The following MAPT variants were observed in gnomAD, a reference collection of about 807,000 sequenced individuals.
MAPT encodes microtubule-associated protein tau.
In MAPT, 34 loss-of-function variants were observed where a neutral mutation model predicts 67.9. That is an observed-to-expected ratio of 0.50 (90% CI 0.38 to 0.67). The LOEUF (loss-of-function observed/expected upper bound fraction) is 0.67. Ranked by LOEUF, MAPT falls within the 30% of genes least tolerant of loss-of-function variation. The pLI, the probability that MAPT is intolerant of heterozygous loss-of-function variation, is 0.00. For missense variants in MAPT, 881 were observed against 1,115.2 expected (o/e 0.79, Z 2.99); for synonymous variants, 456 against 464.5 (o/e 0.98, Z 0.23).
chr17:45,989,045 G>T (rs527874613), intron 6 of MAPT, among the ~76,000 whole-genome samples: 2 of 152,110 alleles, frequency 1.3e-5, no homozygotes, highest in Admixed American at 6.5e-5. Context: ...TCCAACTTGG[G>T]GGGGGCACAC....
chr17:45,942,867 T>A lies in MAPT; in HGVS notation c.-17-19454T>A, dbSNP rs191642983. On this transcript the variant is annotated intron_variant, in intron 1 of 12. Coordinates refer to ENST00000262410, the MANE Select transcript of MAPT (RefSeq NM_001377265.1). ...ACAATGCAAAGGAGGCTCTGGGAGGTTGAGTGACTTGCCCCAAAGTCGCAC... is the reference window on the plus strand; with the variant it reads ...ACAATGCAAAGGAGGCTCTGGGAGGATGAGTGACTTGCCCCAAAGTCGCAC... 3.3e-5 allele frequency among the ~76,000 whole-genome samples: 5 copies of A among 152,184 alleles called. No homozygotes were observed. The East Asian group carries it at 9.6e-4, about 29-fold the overall frequency.
At position 45,983,813 on chromosome 17, in the gene MAPT, G is replaced by A; in HGVS notation, c.1234G>A (p.Ala412Thr). ...AGGGGCCCCTGGAGAGGGGCCAGAGGCCCGGGGCCCCTCTTTGGGAGAGGA... is the reference window on the plus strand; with the variant it reads ...AGGGGCCCCTGGAGAGGGGCCAGAGACCCGGGGCCCCTCTTTGGGAGAGGA... Reference protein sequence around the residue: ...FPGAPGEGPEARGPSLGEDTK... With the variant: ...FPGAPGEGPETRGPSLGEDTK... Residue 412 changes from alanine (A) to threonine (T), a missense_variant, in exon 5 of 13, where the codon GCC becomes ACC. Transcript: ENST00000262410. 2 of 1,613,168 alleles carry A rather than the reference G, an allele frequency of 1.2e-6. No individual in the cohort carries two copies. Among genetic ancestry groups the A allele is most frequent in the South Asian group, 2.2e-5 (2 of 91,068 alleles).
chr17:45,910,130 C>T (rs2064655904), intron 1 of MAPT, among the ~76,000 whole-genome samples: 1 of 152,130 alleles, frequency 6.6e-6, no homozygotes, highest in African/African-American at 2.4e-5. Context: ...GATATGGGGG[C>T]ACTGGAAACA....
chr17:46,005,043 C>G, intron 9 of MAPT, among the ~76,000 whole-genome samples: 1 of 152,180 alleles, frequency 6.6e-6, no homozygotes, highest in East Asian at 1.9e-4. Flanking sequence ...CTCGGCCTCC[C>G]AAAGTGCTGA....
In MAPT at chr17:45,987,089, A is replaced by C; in HGVS notation, c.1401A>C (p.Lys467Asn). 6.2e-7 allele frequency: 1 copy of C among 1,614,056 alleles called. No individual in the cohort carries two copies. The highest frequency in any genetic ancestry group is 1.7e-5 in the Admixed American group (1 of 60,024). The change falls in exon 6 of 13, where the codon AAA becomes AAC. Residue 467 changes from lysine to asparagine, a missense_variant. Physicochemically the swap from Lys to Asn is moderately conservative, Grantham distance 94. Transcript: ENST00000262410. ...SKDGTGSDDK[K>N]AKTSTRSSAK... ...ACGGGACTGGAAGCGATGACAAAAA[A>C]GCCAAGGTAAGCTGACGATGCCACG...
chr17:45,958,601 G>T (rs1159258400), intron 1 of MAPT, among the ~76,000 whole-genome samples: 1 of 152,032 alleles, frequency 6.6e-6, no homozygotes, highest in Non-Finnish European at 1.5e-5. Context: ...CACGCCTGTA[G>T]TCCCAGCTAC....
chr17:46,006,582 T>G (rs8067056), intron 9 of MAPT, among the ~76,000 whole-genome samples: 1 of 151,634 alleles, frequency 6.6e-6, no homozygotes, highest in Admixed American at 6.6e-5. Flanking sequence ...AAGAGTGTAA[T>G]TGGACTGGCT....
chr17:45,944,065 T>C (rs981231873), intron 1 of MAPT, among the ~76,000 whole-genome samples: 1 of 152,186 alleles, frequency 6.6e-6, no homozygotes, highest in African/African-American at 2.4e-5. Flanking sequence ...CACTCACACG[T>C]CATGACTTCA....
chr17:45,962,470 G>A lies in MAPT; in HGVS notation c.133G>A (p.Glu45Lys). 2 of 1,612,530 alleles carry A rather than the reference G, an allele frequency of 1.2e-6. No individual in the cohort carries two copies. Among genetic ancestry groups the A allele is most frequent in the Non-Finnish European group, 8.5e-7 (1 of 1,179,848 alleles). Residue 45 changes from glutamate to lysine, a missense_variant and splice_region_variant, in exon 2 of 13, where the codon GAA (glutamate) becomes AAA (lysine). This residue lies in a region of MAPT where 687 missense variants were observed against 766.1 expected (regional missense o/e 0.90). Transcript: ENST00000262410. ...GGGTGACACGGACGCTGGCCTGAAA[G>A]GTTAGTGGACAGCCATGCACAGCAG... ...QEGDTDAGLK[E>K]SPLQTPTEDG...
At chr17:45,907,066 T>C (rs2064363376) in intron 1 of MAPT, among the ~76,000 whole-genome samples, 1 of 152,074 alleles carries the variant, frequency 6.6e-6, no homozygotes, top group Non-Finnish European at 1.5e-5. Flanking sequence ...GCCCTGGCCC[T>C]CTCCAAGTGT....
In MAPT at chr17:45,983,154, C is replaced by G; in HGVS notation, c.575C>G (p.Ala192Gly). Residue 192 changes from alanine to glycine, a missense_variant, in exon 5 of 13, where the codon GCC becomes GGC. Physicochemically the swap from Ala to Gly is moderately conservative, Grantham distance 60. Coordinates refer to ENST00000262410, the MANE Select transcript of MAPT (RefSeq NM_001377265.1). ...AEKGPAFPKPATTAYLHTEPE... is the reference protein window; with the variant it reads ...AEKGPAFPKPGTTAYLHTEPE... ...AAGGGTCCGGCCTTTCCGAAGCCCG[C>G]CACCACTGCGTATCTCCACACAGAG... is the stretch of plus-strand genomic sequence containing the variant. The G allele has an allele frequency of 6.2e-7, 1 of 1,601,830 alleles. No individual in the cohort carries two copies. The highest frequency in any genetic ancestry group is 8.5e-7 in the Non-Finnish European group (1 of 1,174,192).
At chr17:45,963,967 G>T (rs1034078772) in intron 2 of MAPT, among the ~76,000 whole-genome samples, 2 of 152,294 alleles carry the variant, frequency 1.3e-5, no homozygotes, top group African/African-American at 4.8e-5. Flanking sequence ...TGGGCGTATT[G>T]GGGGAGCAGG....
At chr17:45,948,365 G>T (rs1168080647) in intron 1 of MAPT, among the ~76,000 whole-genome samples, 1 of 152,138 alleles carries the variant, frequency 6.6e-6, no homozygotes, top group Non-Finnish European at 1.5e-5. Context: ...AGGGATTTCC[G>T]AGAGACTGTG....
intron 1 of MAPT, among the ~76,000 whole-genome samples, chr17:45,942,953 C>T (rs747830037): frequency 1.3e-5 from 2 of 152,218 alleles, no homozygotes; most frequent in Non-Finnish European, 2.9e-5. Flanking sequence ...CCCTGCACTG[C>T]GCTGTGCTTA....
At chr17:45,962,169 G>A (rs550603139) in intron 1 of MAPT, among the ~76,000 whole-genome samples, 152 bp from the exon 2 acceptor site, 31 of 152,270 alleles carry the variant, frequency 2.0e-4, no homozygotes, top group African/African-American at 6.3e-4. Flanking sequence ...TATGGAGCAC[G>A]GGATGAGGAT....
chr17:45,971,797 G>C lies in MAPT; in HGVS notation c.134-62G>C. 8.2e-7 allele frequency: 1 copy of C among 1,212,224 alleles called. No homozygotes were observed. Among genetic ancestry groups the C allele is most frequent in the South Asian group, 1.2e-5 (1 of 82,688 alleles). The allele number at this position is 1,212,224 out of a possible 1,614,324, so 75.1% of individuals were successfully genotyped here. A position where few individuals can be genotyped will look rare whatever the true frequency, so the allele number is the denominator to read the frequency against. On this transcript the variant is annotated intron_variant, in intron 2 of 12. Coordinates refer to ENST00000262410, the MANE Select transcript of MAPT (RefSeq NM_001377265.1). This position sits in a 1 kb window ranked among gnomAD's most constrained non-coding sequence, Gnocchi z 4.3. ...AGGACACTGCTCCCCAGTTCCTCCTGAGAACAAAAGGGGGCGCTGGGGAGA... is the reference window on the plus strand; with the variant it reads ...AGGACACTGCTCCCCAGTTCCTCCTCAGAACAAAAGGGGGCGCTGGGGAGA...
rs1288488162 is a variant in MAPT at position 46,026,617 on chromosome 17, CCCA to C, written c.*2450_*2452del. 1 of 152,276 alleles carries C rather than the reference CCCA, an allele frequency of 6.6e-6. No individual in the cohort carries two copies. Among genetic ancestry groups the C allele is most frequent in the East Asian group, 1.9e-4 (1 of 5,184 alleles). The allele number at this position is 152,276 out of a possible 1,614,324, so 9.4% of individuals were successfully genotyped here. A position where few individuals can be genotyped will look rare whatever the true frequency, so the allele number is the denominator to read the frequency against. ...GCCCTCTGGAGGGGCAGCGCAGCCTCCCACCAAGGGCCCTGCGACCACAGCAGG... is the reference window on the plus strand; with the variant it reads ...GCCCTCTGGAGGGGCAGCGCAGCCTCCCAAGGGCCCTGCGACCACAGCAGG... On this transcript the variant is annotated 3_prime_UTR_variant, in exon 13 of 13. Transcript: ENST00000262410.
chr17:45,953,437 G>A (rs1368618186), intron 1 of MAPT, among the ~76,000 whole-genome samples: 1 of 152,208 alleles, frequency 6.6e-6, no homozygotes, highest in Non-Finnish European at 1.5e-5. Flanking sequence ...CTAATCAGAA[G>A]GTCCATGAAC....
At chr17:45,899,905 G>A (rs1280408899) in intron 1 of MAPT, among the ~76,000 whole-genome samples, 2 of 152,130 alleles carry the variant, frequency 1.3e-5, no homozygotes, top group South Asian at 2.1e-4. Flanking sequence ...GCCATATGAC[G>A]GGGCAGCTGG....
Sources: gnomAD v4.1 joint callset for allele counts (sites outside exome capture counted in the v4.1 genomes callset) on GRCh38, gnomAD v4.1.1 for gene constraint, gnomAD v4.1.1 regional missense constraint, Gnocchi (gnomAD v3.1) non-coding constraint, MANE v1.5 for transcripts, NCBI Gene and HGNC (gene_info 2026-07-23, HGNC 2026-07-21) for gene names.